The following FAM227B variants were observed in gnomAD, a reference collection of about 807,000 sequenced individuals.
FAM227B encodes family with sequence similarity 227 member B, also known as protein FAM227B.
FAM227B carries 88 observed loss-of-function variants against 73.8 expected under a neutral mutation model. The observed-to-expected ratio is 1.19, with a 90% CI of 1.00 to 1.42. The LOEUF is 1.42. Ranked by LOEUF, FAM227B falls within the 40% of genes most tolerant of loss-of-function variation. FAM227B has a pLI of 0.00. For synonymous variants in FAM227B, 210 were observed against 190.5 expected, an observed-to-expected ratio of 1.10 and a Z score of -0.84; for missense variants, 632 against 590.9, an observed-to-expected ratio of 1.07 and a Z score of -0.72.
chr15:49,351,096 T>C (rs998737061), intron 13 of FAM227B, among the ~76,000 whole-genome samples: 1 of 152,360 alleles, frequency 6.6e-6, no homozygotes, highest in African/African-American at 2.4e-5. Context: ...CTTTCCTATA[T>C]AAACTATCCA....
At chr15:49,462,572 G>A (rs1597357444) in intron 11 of FAM227B, among the ~76,000 whole-genome samples, 2 of 152,036 alleles carry the variant, frequency 1.3e-5, no homozygotes. Flanking sequence ...ATCCACTTTC[G>A]TTGGCACAGA....
At chr15:49,525,654 A>G (rs2060112180) in intron 10 of FAM227B, among the ~76,000 whole-genome samples, 2 of 126,922 alleles carry the variant, frequency 1.6e-5, no homozygotes, top group African/African-American at 3.1e-5. Flanking sequence ...CTCAAAGTTA[A>G]AGGGTGGAGA....
At position 49,331,810 on chromosome 15, in the gene FAM227B, T is replaced by C. The variant is rs1229697873; in HGVS notation, c.1389A>G (p.Lys463=). Reference sequence around the variant, plus strand: ...TATGTAGGAACTTCTCAAAGTCCTGTTTCACTTCATGAGGTTTCTTGGTAG... The same window carrying C: ...TATGTAGGAACTTCTCAAAGTCCTGCTTCACTTCATGAGGTTTCTTGGTAG... ...AKATKKPHEV[K]QDFEKFLHKL... is the part of the protein sequence containing the mutation. The change falls in exon 15 of 16, where the codon AAA becomes AAG. Residue 463 remains lysine, a synonymous_variant. Transcript: ENST00000299338. The C allele has an allele frequency of 6.2e-7, 1 of 1,611,528 alleles. No individual in the cohort carries two copies. The highest frequency in any genetic ancestry group is 8.5e-7 in the Non-Finnish European group (1 of 1,177,730).
intron 11 of FAM227B, among the ~76,000 whole-genome samples, chr15:49,372,200 A>C (rs1398669301): frequency 6.8e-6 from 1 of 148,122 alleles, no homozygotes; most frequent in Non-Finnish European, 1.5e-5. Context: ...ACTTATAAAT[A>C]AATGAAATAA....
chr15:49,426,015 TAAC>T (rs1567252420), intron 11 of FAM227B, among the ~76,000 whole-genome samples: 1 of 151,438 alleles, frequency 6.6e-6, no homozygotes, highest in Non-Finnish European at 1.5e-5. Flanking sequence ...ATGGATATAA[TAAC>T]AATATTATAT....
chr15:49,552,480 T>A (rs1360367129), intron 9 of FAM227B, among the ~76,000 whole-genome samples: 1 of 152,208 alleles, frequency 6.6e-6, no homozygotes, highest in African/African-American at 2.4e-5. Context: ...TAAACCTGCT[T>A]AGTGTTCTAT....
At chr15:49,553,142 G>A (rs1236398273) in intron 9 of FAM227B, among the ~76,000 whole-genome samples, 1 of 152,204 alleles carries the variant, frequency 6.6e-6, no homozygotes, top group Non-Finnish European at 1.5e-5. Flanking sequence ...GAGCTTGGGT[G>A]TTGTGATATA....
intron 9 of FAM227B, among the ~76,000 whole-genome samples, chr15:49,544,909 T>C (rs1206714078): frequency 6.6e-6 from 1 of 152,204 alleles, no homozygotes; most frequent in African/African-American, 2.4e-5. Context: ...GGTTAGCTAG[T>C]ATTTCGTTGA....
intron 13 of FAM227B, among the ~76,000 whole-genome samples, chr15:49,348,619 GAGT>G (rs2041855940): frequency 6.6e-6 from 1 of 152,204 alleles, no homozygotes; most frequent in African/African-American, 2.4e-5. Flanking sequence ...CATGGTAATA[GAGT>G]AGGTTTTGTT....
chr15:49,352,247 C>T (rs532047200), intron 13 of FAM227B, among the ~76,000 whole-genome samples: 1 of 152,128 alleles, frequency 6.6e-6, no homozygotes, highest in Non-Finnish European at 1.5e-5. Context: ...TACCTTGTCT[C>T]GAAGTCACAA....
At chr15:49,574,769 T>C (rs2075343640) in intron 8 of FAM227B, 1 of 232,370 alleles carries the variant, frequency 4.3e-6, no homozygotes, top group Non-Finnish European at 8.3e-6. Context: ...ATATATATTA[T>C]GATAGATATA....
intron 11 of FAM227B, among the ~76,000 whole-genome samples, chr15:49,415,426 AT>A (rs2049146064): frequency 6.6e-6 from 1 of 152,142 alleles, no homozygotes; most frequent in Non-Finnish European, 1.5e-5. Context: ...AAGGAAATTG[AT>A]TGTTTCCTAA....
chr15:49,544,321 G>T (rs992478827), intron 9 of FAM227B, among the ~76,000 whole-genome samples: 6 of 152,118 alleles, frequency 3.9e-5, no homozygotes, highest in African/African-American at 1.4e-4. Context: ...TGTTGTTGGT[G>T]TATAGCAGTG....
chr15:49,588,547 CTA>C (rs71120695), intron 4 of FAM227B, among the ~76,000 whole-genome samples: 186 of 37,876 alleles, frequency 4.9e-3, no homozygotes, highest in East Asian at 6.5e-3. Flanking sequence ...ATATTGAGGA[CTA>C]TATATATATA....
intron 10 of FAM227B, among the ~76,000 whole-genome samples, chr15:49,518,778 C>T (rs28647709): frequency 0.18 from 27,869 of 152,036 alleles, 3,160 homozygotes; most frequent in Non-Finnish European, 0.25. Context: ...GGGGACACAG[C>T]CAAACCATAT....
At chr15:49,370,815 C>A (rs561633365) in intron 12 of FAM227B, among the ~76,000 whole-genome samples, 1 of 152,296 alleles carries the variant, frequency 6.6e-6, no homozygotes, top group African/African-American at 2.4e-5. Context: ...CATGAAATCT[C>A]TACCTGCAAG....
chr15:49,617,273 C>G (rs909575261), intron 1 of FAM227B, among the ~76,000 whole-genome samples: 2 of 151,970 alleles, frequency 1.3e-5, no homozygotes, highest in Admixed American at 6.5e-5. Context: ...AAAATCTAGG[C>G]ATATACAGAC....
intron 11 of FAM227B, among the ~76,000 whole-genome samples, chr15:49,435,113 G>A (rs1306804673): frequency 2.0e-5 from 3 of 151,428 alleles, no homozygotes; most frequent in Non-Finnish European, 4.4e-5. Context: ...TGAGAGGGGG[G>A]TACATGGGGA....
Position 49,422,183 on chromosome 15 carries a change from C to T in FAM227B, c.1013-50784G>A, listed in dbSNP as rs112564276. On this transcript the variant is annotated intron_variant, in intron 11 of 15. Transcript: ENST00000299338. ...GTGTGTGCGCGCGCGCGCGCGTGCACGCGTGTGTGTTTTGAGGAGTATATA... is the reference window on the plus strand; with the variant it reads ...GTGTGTGCGCGCGCGCGCGCGTGCATGCGTGTGTGTTTTGAGGAGTATATA... 8.4e-3 allele frequency among the ~76,000 whole-genome samples: 1,103 copies of T among 132,020 alleles called. 17 individuals carry two copies. Among genetic ancestry groups the T allele is most frequent in the African/African-American group, 0.027 (1,011 of 36,884 alleles). The allele number at this position is 132,020 out of a possible 152,430, so 86.6% of individuals were successfully genotyped here. A position where few individuals can be genotyped will look rare whatever the true frequency, so the allele number is the denominator to read the frequency against.
Sources: gnomAD v4.1 joint callset for allele counts (sites outside exome capture counted in the v4.1 genomes callset) on GRCh38, gnomAD v4.1.1 for gene constraint, MANE v1.5 for transcripts, NCBI Gene and HGNC (gene_info 2026-07-23, HGNC 2026-07-21) for gene names.